Variants in ATAT1 observed in about 807,000 individuals in gnomAD.
ATAT1 encodes alpha tubulin acetyltransferase 1.
ATAT1 carries 42 observed loss-of-function variants against 57.2 expected under a neutral mutation model. That is an observed-to-expected ratio of 0.73 (90% CI 0.57 to 0.95). The LOEUF (loss-of-function observed/expected upper bound fraction) is 0.95. Ranked by LOEUF, ATAT1 falls within the 40% of genes least tolerant of loss-of-function variation. ATAT1 has a pLI of 0.00. For missense variants in ATAT1, 454 were observed against 523.7 expected (o/e 0.87, Z 1.30); for synonymous variants, 168 against 187.1 (o/e 0.90, Z 0.83).
In ATAT1 at chr6:30,628,156, C is replaced by T. The variant is rs762535335; in HGVS notation, c.399+11C>T. 4.4e-6 allele frequency: 7 copies of T among 1,607,294 alleles called. 1 individual carries two copies. In the Admixed American group the frequency reaches 8.3e-5, roughly 19 times the overall value. Reference sequence around the variant, plus strand: ...CAGTATATGTTGCAGGTATCACTGACCTCTTCACTGGTTCATCCAAACTAG... The same window carrying T: ...CAGTATATGTTGCAGGTATCACTGATCTCTTCACTGGTTCATCCAAACTAG... On this transcript the variant is annotated intron_variant, in intron 5 of 12. Transcript: ENST00000330083.
intron 9 of ATAT1, 31 bp from the exon 10 acceptor site, chr6:30,642,735 TTC>T: frequency 1.4e-6 from 2 of 1,396,804 alleles, no homozygotes; most frequent in African/African-American, 1.4e-5. Flanking sequence ...TTTCTTCTTT[TTC>T]TGTCTTGCTC....
intron 6 of ATAT1, among the ~76,000 whole-genome samples, chr6:30,637,844 C>T (rs1456732161): frequency 1.3e-5 from 2 of 152,002 alleles, no homozygotes; most frequent in African/African-American, 4.8e-5. Flanking sequence ...GGCATGGTGG[C>T]GCATGCCTGT....
intron 6 of ATAT1, among the ~76,000 whole-genome samples, chr6:30,638,846 A>G (rs1332652768): frequency 6.6e-6 from 1 of 152,216 alleles, no homozygotes; most frequent in Non-Finnish European, 1.5e-5. Flanking sequence ...CAGGATTGTG[A>G]AGGCCAAATT....
Position 30,646,575 on chromosome 6 carries a change from G to A in ATAT1, c.1162G>A (p.Gly388Ser). ...CCCGCCAGCCCAGTCCTGGACAGTG[G>A]GTGGGGACATACTCAACGCCAGGTT... is the stretch of plus-strand genomic sequence containing the variant. Residue 388 changes from glycine (G) to serine (S), a missense_variant, in exon 13 of 13, where the codon GGT (glycine) becomes AGT (serine). Coordinates refer to ENST00000330083, the MANE Select transcript of ATAT1 (RefSeq NM_001031722.4). 1 of 1,580,446 alleles carries A rather than the reference G, an allele frequency of 6.3e-7. No homozygotes were observed. Among genetic ancestry groups the A allele is most frequent in the Admixed American group, 1.8e-5 (1 of 55,048 alleles).
chr6:30,629,474 C>T (rs1056669913), intron 6 of ATAT1, among the ~76,000 whole-genome samples: 1 of 151,618 alleles, frequency 6.6e-6, no homozygotes. Context: ...GAACTCATGG[C>T]CTCAAGTGAT....
At chr6:30,629,556 T>G (rs1010066273) in intron 6 of ATAT1, among the ~76,000 whole-genome samples, 1 of 150,110 alleles carries the variant, frequency 6.7e-6, no homozygotes, top group East Asian at 2.0e-4. Flanking sequence ...TTATGCCTAA[T>G]TTTTTTTTGA....
Position 30,640,534 on chromosome 6 carries a change from G to C in ATAT1, c.548-1G>C. On this transcript the variant is annotated splice_acceptor_variant, in intron 7 of 12. Coordinates refer to ENST00000330083, the MANE Select transcript of ATAT1 (RefSeq NM_001031722.4). LOFTEE classifies it high-confidence loss of function. ...GGGCCCCGCCGCTTCCTTCCTCACA[G>C]GGCCCCCTGCTCCCTCTCTGAGGGC... 6.2e-7 allele frequency: 1 copy of C among 1,612,988 alleles called. No individual in the cohort carries two copies. The highest frequency in any genetic ancestry group is 8.5e-7 in the Non-Finnish European group (1 of 1,180,008).
intron 6 of ATAT1, among the ~76,000 whole-genome samples, chr6:30,639,468 T>C (rs969787754): frequency 6.6e-6 from 1 of 151,518 alleles, no homozygotes; most frequent in Admixed American, 6.6e-5. Flanking sequence ...GATTGTCTTT[T>C]CACTTTCTTT....
At chr6:30,644,081 A>C in intron 10 of ATAT1, 1 of 987,916 alleles carries the variant, frequency 1.0e-6, no homozygotes, top group Non-Finnish European at 1.2e-6. Flanking sequence ...GCTTCAGAGC[A>C]GTCTAGTTAG....
At chr6:30,641,722 C>T (rs1765496087) in intron 8 of ATAT1, 1 of 965,884 alleles carries the variant, frequency 1.0e-6, no homozygotes, top group South Asian at 4.8e-5. Flanking sequence ...TGCCCTCCTT[C>T]CAAACCTCCC....
chr6:30,639,133 G>A (rs1764823771), intron 6 of ATAT1, among the ~76,000 whole-genome samples: 1 of 151,890 alleles, frequency 6.6e-6, no homozygotes, highest in Admixed American at 6.6e-5. Context: ...GGTGCACACT[G>A]CCATGCCTGG....
Position 30,642,833 on chromosome 6 carries a change from G to GGGGGGGCCGCCCCCCCCC in ATAT1, c.754_755insGGGGGGCCGCCCCCCCCC (p.Ala252delinsGlyGlyAlaAlaProProPro). ...GGCCCCTCGCCGCGCCACACCTCCA[G>GGGGGGGCCGCCCCCCCCC]CCCACCCACCCCCCCGCTCCAGCAG... On this transcript the variant is annotated protein_altering_variant, in exon 10 of 13. Transcript: ENST00000330083. The GGGGGGGCCGCCCCCCCCC allele has an allele frequency of 6.5e-7, 1 of 1,537,876 alleles. No individual in the cohort carries two copies.
rs774144351 is a variant in ATAT1 at position 30,642,847 on chromosome 6, C to G, written c.768C>G (p.Pro256=). The G allele has an allele frequency of 3.9e-5, 62 of 1,591,940 alleles. No homozygotes were observed. The highest frequency in any genetic ancestry group is 4.9e-5 in the Non-Finnish European group (57 of 1,168,992). Residue 256 remains proline, a synonymous_variant, in exon 10 of 13, where the codon CCC becomes CCG. Transcript: ENST00000330083. ...CCACACCTCCAGCCCACCCACCCCC[C>G]CGCTCCAGCAGCCTGGGAAACTCAC...
chr6:30,634,449 C>G (rs1437282543), intron 6 of ATAT1, among the ~76,000 whole-genome samples: 1 of 151,248 alleles, frequency 6.6e-6, no homozygotes, highest in Non-Finnish European at 1.5e-5. Context: ...CAGGCTTTCA[C>G]CAGGTTGGCC....
chr6:30,630,746 T>C (rs1762679767), intron 6 of ATAT1, among the ~76,000 whole-genome samples: 1 of 151,990 alleles, frequency 6.6e-6, no homozygotes, highest in Non-Finnish European at 1.5e-5. Flanking sequence ...GAGATCAGCA[T>C]GTGGAACATA....
intron 2 of ATAT1, 44 bp downstream of exon 2, chr6:30,627,564 G>T (rs1761945735): frequency 6.8e-6 from 11 of 1,606,646 alleles, no homozygotes; most frequent in Non-Finnish European, 9.4e-6. Context: ...GACCTCTGTG[G>T]GGATGGTATA....
chr6:30,645,851 T>A (rs749551231), intron 10 of ATAT1, 44 bp from the exon 11 acceptor site: 34 of 1,398,722 alleles, frequency 2.4e-5, no homozygotes, highest in Non-Finnish European at 3.1e-5. Context: ...CACCCATCTT[T>A]CATCCAGTAG....
intron 6 of ATAT1, among the ~76,000 whole-genome samples, chr6:30,638,067 C>A (rs1276753550): frequency 6.6e-6 from 1 of 151,704 alleles, no homozygotes; most frequent in Non-Finnish European, 1.5e-5. Context: ...TTAGTAGAGA[C>A]GGGGTTTCAC....
At chr6:30,640,743 C>A in intron 8 of ATAT1, 140 bp downstream of exon 8, 2 of 946,774 alleles carry the variant, frequency 2.1e-6, no homozygotes, top group Non-Finnish European at 3.2e-6. Context: ...GACTGTTTGC[C>A]TTTGCCCTCA....
Sources: allele counts gnomAD v4.1 joint callset (sites outside exome capture counted in the v4.1 genomes callset), GRCh38; gene constraint gnomAD v4.1.1; transcripts MANE v1.5; gene names NCBI Gene and HGNC (gene_info 2026-07-23, HGNC 2026-07-21).